KDM4C: variants seen among roughly 807,000 people sequenced by gnomAD.
KDM4C encodes the protein lysine demethylase 4C.
Under a neutral mutation model 129.3 loss-of-function variants are expected in KDM4C, and 81 were observed. The ratio of observed to expected loss-of-function variants is 0.63; its 90% CI spans 0.52 to 0.75. The LOEUF (loss-of-function observed/expected upper bound fraction) is 0.75. Among genes scored for constraint, KDM4C ranks in the 30% least tolerant of loss-of-function variants. KDM4C has a pLI of 0.00. For missense variants in KDM4C, 1,457 were observed against 1,304.0 expected (o/e 1.12, Z -1.81); for synonymous variants, 573 against 456.1 (o/e 1.26, Z -3.26).
At chr9:6,835,491 C>G (rs1334305740) in intron 4 of KDM4C, 1 of 1,502,168 alleles carries the variant, frequency 6.7e-7, no homozygotes, top group East Asian at 2.3e-5. Flanking sequence ...CCATCCTGGC[C>G]TCGCTGTCCA....
intron 15 of KDM4C, among the ~76,000 whole-genome samples, chr9:7,032,454 G>C (rs1826936897): frequency 6.6e-6 from 1 of 152,202 alleles, no homozygotes; most frequent in African/African-American, 2.4e-5. Context: ...GGAATCTTCT[G>C]CTTTAGAGAA....
chr9:6,875,713 C>G (rs1208525870), intron 5 of KDM4C, among the ~76,000 whole-genome samples: 1 of 152,150 alleles, frequency 6.6e-6, no homozygotes. Flanking sequence ...TTGCTGAGAT[C>G]CATGTGTCAG....
chr9:7,042,095 C>G (rs1015307960), intron 15 of KDM4C, among the ~76,000 whole-genome samples: 2 of 152,028 alleles, frequency 1.3e-5, no homozygotes, highest in African/African-American at 4.8e-5. Flanking sequence ...GCATGTTTAA[C>G]TACTGTACCT....
chr9:7,114,807 C>G (rs1439378064), intron 18 of KDM4C, among the ~76,000 whole-genome samples: 3 of 152,084 alleles, frequency 2.0e-5, no homozygotes, highest in South Asian at 2.1e-4. Context: ...CACCTGCATT[C>G]AGAAATACTT....
At chr9:6,847,317 A>G (rs1353142142) in intron 4 of KDM4C, among the ~76,000 whole-genome samples, 1 of 152,216 alleles carries the variant, frequency 6.6e-6, no homozygotes, top group African/African-American at 2.4e-5. Context: ...TTGCATCGCT[A>G]TAAATAGAAT....
intron 4 of KDM4C, among the ~76,000 whole-genome samples, chr9:6,841,147 A>G (rs1234299656): frequency 6.6e-6 from 1 of 152,024 alleles, no homozygotes; most frequent in African/African-American, 2.4e-5. Context: ...ATCTTTTTTT[A>G]ATAATTGGAT....
At chr9:6,802,332 G>A (rs868834266) in intron 2 of KDM4C, among the ~76,000 whole-genome samples, 20 of 152,266 alleles carry the variant, frequency 1.3e-4, no homozygotes, top group Middle Eastern at 3.4e-3. Context: ...CAACCACTTT[G>A]CAACAGTTGG....
chr9:6,842,620 G>A (rs544207202), intron 4 of KDM4C, among the ~76,000 whole-genome samples: 2 of 152,062 alleles, frequency 1.3e-5, no homozygotes, highest in African/African-American at 4.8e-5. Context: ...ACGGACGTGA[G>A]CTACTGCACC....
chr9:7,006,946 T>A (rs902843122), intron 12 of KDM4C, among the ~76,000 whole-genome samples: 5 of 152,206 alleles, frequency 3.3e-5, no homozygotes, highest in Admixed American at 6.5e-5. Context: ...TAAAATAAAT[T>A]TTTATTTTTA....
chr9:6,774,298 A>G (rs780615752), intron 1 of KDM4C, among the ~76,000 whole-genome samples: 1 of 152,238 alleles, frequency 6.6e-6, no homozygotes, highest in Admixed American at 6.5e-5. Context: ...CCTTTAGGTA[A>G]TATACAAACA....
intron 8 of KDM4C, among the ~76,000 whole-genome samples, chr9:6,949,735 A>T (rs138361038): frequency 0.013 from 2,012 of 152,316 alleles, 33 homozygotes; most frequent in African/African-American, 0.043. Flanking sequence ...GCAGGCACTC[A>T]GCAGGCTGAG....
intron 18 of KDM4C, 34 bp downstream of exon 18, chr9:7,103,904 C>CCGTGTCTG: frequency 6.3e-7 from 1 of 1,589,618 alleles, no homozygotes; most frequent in South Asian, 1.1e-5. Flanking sequence ...AGTGCTAAGA[C>CCGTGTCTG]CGTGTCTGGA....
chr9:6,787,363 G>A (rs556977654), intron 1 of KDM4C, among the ~76,000 whole-genome samples: 2 of 152,290 alleles, frequency 1.3e-5, no homozygotes, highest in Non-Finnish European at 2.9e-5. Flanking sequence ...CTCCCTAGTA[G>A]CTCGGATCAC....
At chr9:6,834,539 G>A in intron 4 of KDM4C, 3 of 679,820 alleles carry the variant, frequency 4.4e-6, no homozygotes, top group Non-Finnish European at 8.3e-6. Flanking sequence ...ATGACCCCCG[G>A]CCGTCTTCCC....
intron 8 of KDM4C, among the ~76,000 whole-genome samples, chr9:6,928,839 T>C (rs1244825366): frequency 6.6e-6 from 1 of 152,232 alleles, no homozygotes; most frequent in East Asian, 1.9e-4. Flanking sequence ...TGCAGAACTC[T>C]GAGGTTTCCC....
chr9:6,897,769 G>A (rs1049414010), intron 8 of KDM4C, among the ~76,000 whole-genome samples: 46 of 152,306 alleles, frequency 3.0e-4, no homozygotes, highest in African/African-American at 1.1e-3. Context: ...TTAATGGAAC[G>A]TAACATCTAG....
At chr9:6,921,787 C>T (rs1248068959) in intron 8 of KDM4C, among the ~76,000 whole-genome samples, 1 of 152,032 alleles carries the variant, frequency 6.6e-6, no homozygotes, top group East Asian at 1.9e-4. Flanking sequence ...CTGCCCCAAC[C>T]CCTACCCCCC....
chr9:6,861,031 G>C (rs1299324402), intron 5 of KDM4C, among the ~76,000 whole-genome samples: 1 of 152,178 alleles, frequency 6.6e-6, no homozygotes, highest in Non-Finnish European at 1.5e-5. Flanking sequence ...TCCAGCAAGT[G>C]ATTGATAACT....
chr9:7,101,337 A>C (rs1837063967), intron 17 of KDM4C, among the ~76,000 whole-genome samples: 1 of 152,088 alleles, frequency 6.6e-6, no homozygotes, highest in African/African-American at 2.4e-5. Context: ...TCTGCCAGGG[A>C]GGAAAAAAAA....
Sources: gnomAD v4.1 joint callset for allele counts (sites outside exome capture counted in the v4.1 genomes callset) on GRCh38, gnomAD v4.1.1 for gene constraint, MANE v1.5 for transcripts, NCBI Gene and HGNC (gene_info 2026-07-23, HGNC 2026-07-21) for gene names.